The following PDE1C variants were observed in gnomAD, a reference collection of about 807,000 sequenced individuals.
PDE1C encodes dual specificity calcium/calmodulin-dependent 3',5'-cyclic nucleotide phosphodiesterase 1C.
A neutral mutation model predicts 93.1 loss-of-function variants in PDE1C; 62 were observed. That is an observed-to-expected ratio of 0.67 (90% CI 0.54 to 0.82). The LOEUF is 0.82. Ranked by LOEUF, PDE1C falls within the 40% of genes least tolerant of loss-of-function variation. PDE1C has a pLI of 0.00. For synonymous variants in PDE1C, 325 were observed against 310.1 expected (o/e 1.05, Z -0.50); for missense variants, 742 against 884.6 (o/e 0.84, Z 2.04).
At chr7:32,207,625 T>C (rs1023889747) in intron 2 of PDE1C, among the ~76,000 whole-genome samples, 2 of 152,092 alleles carry the variant, frequency 1.3e-5, no homozygotes, top group African/African-American at 4.8e-5. Context: ...GTTCTCCTTT[T>C]TTTTCCCTGT....
chr7:32,042,616 T>C (rs1206536712), intron 2 of PDE1C, among the ~76,000 whole-genome samples: 1 of 152,244 alleles, frequency 6.6e-6, no homozygotes, highest in East Asian at 1.9e-4. Flanking sequence ...TTAGCAATAC[T>C]TTTAATGTCC....
intron 2 of PDE1C, among the ~76,000 whole-genome samples, chr7:31,894,507 C>T (rs892814411): frequency 1.3e-5 from 2 of 152,242 alleles, no homozygotes; most frequent in African/African-American, 4.8e-5. Context: ...CATGAACCAT[C>T]TGCACCAAGC....
At chr7:31,621,887 T>A in the PDE1C span, among the ~76,000 whole-genome samples, 7 of 151,296 alleles carry the variant, frequency 4.6e-5, no homozygotes, top group Non-Finnish European at 8.8e-5. Flanking sequence ...ACACATAGGC[T>A]CAAAATAAAA....
chr7:31,778,577 T>C (rs1180182310), intron 16 of PDE1C, among the ~76,000 whole-genome samples: 1 of 152,180 alleles, frequency 6.6e-6, no homozygotes, highest in Non-Finnish European at 1.5e-5. Context: ...AAATATCCTC[T>C]AGAGGCAAAA....
Position 31,878,100 on chromosome 7 carries a change from A to T in PDE1C, c.426-64T>A, listed in dbSNP as rs1224679738. On this transcript the variant is annotated intron_variant, in intron 4 of 17. Transcript: ENST00000396191. ...ATAAAGTAGGATTTGTAATCCACAG[A>T]CTCATACCAAGTATTGACAAATAAT... The T allele has an allele frequency of 1.8e-5, 20 of 1,115,276 alleles. No individual in the cohort carries two copies. In the Admixed American group the frequency reaches 3.7e-4, roughly 21 times the overall value. The allele number at this position is 1,115,276 out of a possible 1,614,324, so 69.1% of individuals were successfully genotyped here. A position where few individuals can be genotyped will look rare whatever the true frequency, so the allele number is the denominator to read the frequency against.
intron 3 of PDE1C, among the ~76,000 whole-genome samples, chr7:32,118,555 T>A (rs1316872898): frequency 6.6e-6 from 1 of 152,212 alleles, no homozygotes; most frequent in African/African-American, 2.4e-5. Context: ...TAATTTATGG[T>A]GAACAGAAAT....
intron 16 of PDE1C, chr7:31,786,897 CTATCTATCTATCTATCTATCT>C (rs1166878712): frequency 2.2e-4 from 1 of 4,478 alleles, no homozygotes; most frequent in Non-Finnish European, 2.7e-3. Flanking sequence ...ATTATATTAT[CTATCTATCTATCTATCTATCT>C]ATCTATCTAT....
Position 32,206,252 on chromosome 7 carries a change from C to T in PDE1C, c.136+3237G>A, listed in dbSNP as rs530828182. 9.2e-5 allele frequency among the ~76,000 whole-genome samples: 14 copies of T among 152,116 alleles called. 1 individual carries two copies. The South Asian group carries it at 2.9e-3, about 32-fold the overall frequency. Reference sequence around the variant, plus strand: ...ATTGTGTATGCTGATAATGGGACGGCTCACTGATTAGGATGCAGAGGAGCA... The same window carrying T: ...ATTGTGTATGCTGATAATGGGACGGTTCACTGATTAGGATGCAGAGGAGCA... On this transcript the variant is annotated intron_variant, in intron 2 of 18. Transcript: ENST00000396193.
chr7:31,907,996 A>C (rs1335814068), intron 2 of PDE1C, among the ~76,000 whole-genome samples: 1 of 152,208 alleles, frequency 6.6e-6, no homozygotes, highest in Non-Finnish European at 1.5e-5. Flanking sequence ...AATAAATAAA[A>C]AGCTAAAGAA....
intron 16 of PDE1C, chr7:31,788,499 A>T (rs966596578): frequency 6.6e-6 from 1 of 152,200 alleles, no homozygotes; most frequent in Admixed American, 6.5e-5. Flanking sequence ...CACAGCTCAA[A>T]TTCAGTTGCT....
rs542763944 is a variant in PDE1C at position 32,420,260 on chromosome 7, T to C, written c.310+7562A>G. 4.8e-5 allele frequency among the ~76,000 whole-genome samples: 2 copies of C among 41,910 alleles called. 1 individual carries two copies. Among genetic ancestry groups the C allele is most frequent in the Non-Finnish European group, 1.0e-4 (2 of 19,720 alleles). The allele number at this position is 41,910 out of a possible 152,430, so 27.5% of individuals were successfully genotyped here. On this transcript the variant is annotated intron_variant, in intron 1 of 1. Coordinates refer to the PDE1C transcript ENST00000672256. ...ATATATGTGTATATATATACATGTG[T>C]ATATATATGTGTATATATATACATG...
intron 1 of PDE1C, among the ~76,000 whole-genome samples, chr7:32,285,578 G>C (rs1466893300): frequency 6.6e-6 from 1 of 151,836 alleles, no homozygotes; most frequent in African/African-American, 2.4e-5. Context: ...ACTAAAACTT[G>C]TTGAATTGTA....
At chr7:31,700,356 G>A in the PDE1C span, among the ~76,000 whole-genome samples, 1 of 152,180 alleles carries the variant, frequency 6.6e-6, no homozygotes. Context: ...GCCTAATCCA[G>A]AACAAGGTCC....
chr7:31,902,351 A>G (rs539955452), intron 2 of PDE1C, among the ~76,000 whole-genome samples: 85 of 152,020 alleles, frequency 5.6e-4, no homozygotes, highest in African/African-American at 2.0e-3. Context: ...CAGAAATGCA[A>G]TTAAAATTTC....
intron 1 of PDE1C, among the ~76,000 whole-genome samples, chr7:32,423,012 A>G (rs1055088005): frequency 1.3e-5 from 2 of 152,226 alleles, no homozygotes; most frequent in Non-Finnish European, 2.9e-5. Context: ...TTCTACTCGT[A>G]GAACAGCAGT....
chr7:31,981,641 G>T (rs1363073279), intron 2 of PDE1C, among the ~76,000 whole-genome samples: 1 of 152,148 alleles, frequency 6.6e-6, no homozygotes, highest in East Asian at 1.9e-4. Flanking sequence ...AGCTTTAAAA[G>T]TATGTCTTCC....
chr7:31,659,764 TG>T, the PDE1C span, among the ~76,000 whole-genome samples: 1 of 152,216 alleles, frequency 6.6e-6, no homozygotes, highest in Admixed American at 6.5e-5. Context: ...TGTGGCCTTC[TG>T]CAAAACACTC....
the PDE1C span, among the ~76,000 whole-genome samples, chr7:31,626,467 T>G: frequency 1.3e-5 from 2 of 152,220 alleles, no homozygotes; most frequent in African/African-American, 2.4e-5. Context: ...CCCACTATAT[T>G]TCTGTTTGCA....
intron 3 of PDE1C, among the ~76,000 whole-genome samples, chr7:32,085,443 A>AGT (rs1797009344): frequency 6.7e-6 from 1 of 149,090 alleles, no homozygotes; most frequent in Admixed American, 6.7e-5. Flanking sequence ...AACTGGTACC[A>AGT]TTCCTTCTGA....
Sources: gnomAD v4.1 joint callset for allele counts (sites outside exome capture counted in the v4.1 genomes callset) on GRCh38, gnomAD v4.1.1 for gene constraint, MANE v1.5 for transcripts, NCBI Gene and HGNC (gene_info 2026-07-23, HGNC 2026-07-21) for gene names.